Variants in MCTP1 observed in about 807,000 individuals in gnomAD.
MCTP1 encodes multiple C2 and transmembrane domain containing 1, also known as multiple C2 and transmembrane domain-containing protein 1.
A neutral mutation model predicts 120.6 loss-of-function variants in MCTP1; 69 were observed. The observed-to-expected ratio is 0.57, with a 90% CI of 0.47 to 0.70. MCTP1 has a LOEUF of 0.70. Among genes scored for constraint, MCTP1 ranks in the 30% least tolerant of loss-of-function variants. The probability of loss-of-function intolerance (pLI) is 0.00; values close to 1 mark genes in which losing one functional copy is unlikely to be tolerated. For synonymous variants in MCTP1, 529 were observed against 493.1 expected (o/e 1.07, Z -0.96); for missense variants, 1,203 against 1,248.8 (o/e 0.96, Z 0.55).
chr5:95,191,366 CT>C (rs1357399688), intron 1 of MCTP1, among the ~76,000 whole-genome samples: 2 of 151,910 alleles, frequency 1.3e-5, no homozygotes, highest in Admixed American at 1.3e-4. Context: ...CGAAGTGCCC[CT>C]AGGTTTCAAA....
chr5:94,970,186 G>C (rs1398548717), intron 2 of MCTP1, among the ~76,000 whole-genome samples: 1 of 151,874 alleles, frequency 6.6e-6, no homozygotes, highest in Non-Finnish European at 1.5e-5. Context: ...AGGCAGTTCA[G>C]GTAACCTTTA....
Position 95,276,329 on chromosome 5 carries a change from G to C in MCTP1, c.720+7527C>G, listed in dbSNP as rs543906821. ...GCTGGAATGCAGTGGCGCTATCTCA[G>C]CTCATTGCAACCTCTGCATCCTGGG... On this transcript the variant is annotated intron_variant, in intron 1 of 22. Transcript: ENST00000515393. 8.9e-4 allele frequency among the ~76,000 whole-genome samples: 116 copies of C among 130,382 alleles called. 1 individual carries two copies. The highest frequency in any genetic ancestry group is 3.1e-3 in the African/African-American group (107 of 34,720). The allele number at this position is 130,382 out of a possible 152,430, so 85.5% of individuals were successfully genotyped here. A position where few individuals can be genotyped will look rare whatever the true frequency, so the allele number is the denominator to read the frequency against.
rs903819293 is a variant in MCTP1, at chr5:95,284,498, C to A, written c.78G>T (p.Lys26Asn). Residue 26 changes from lysine (K) to asparagine (N), a missense_variant, in exon 1 of 23, where the codon AAG becomes AAT. Physicochemically the swap from Lys to Asn is moderately conservative, Grantham distance 94. Coordinates refer to ENST00000515393, the MANE Select transcript of MCTP1 (RefSeq NM_024717.7). The surrounding 1 kb of genome is among the most constrained non-coding windows in gnomAD (Gnocchi z 5.2). ...ASSSFQARLW[K>N]NLQLGVGRSK... is the part of the protein sequence containing the mutation. Reference sequence around the variant, plus strand: ...TCCTGCCCACCCCCAGCTGCAGGTTCTTCCAGAGCCGGGCCTGGAAGGAGG... The same window carrying A: ...TCCTGCCCACCCCCAGCTGCAGGTTATTCCAGAGCCGGGCCTGGAAGGAGG... 6.6e-7 allele frequency: 1 copy of A among 1,504,822 alleles called. No individual in the cohort carries two copies. Among genetic ancestry groups the A allele is most frequent in the East Asian group, 2.6e-5 (1 of 38,006 alleles). The allele number at this position is 1,504,822 out of a possible 1,614,324, so 93.2% of individuals were successfully genotyped here. A position where few individuals can be genotyped will look rare whatever the true frequency, so the allele number is the denominator to read the frequency against.
At chr5:95,136,796 G>A (rs1042785602) in intron 1 of MCTP1, among the ~76,000 whole-genome samples, 6 of 152,210 alleles carry the variant, frequency 3.9e-5, no homozygotes, top group African/African-American at 1.4e-4. Context: ...AGCACTAACA[G>A]AGGTCTAGAT....
chr5:95,234,417 G>A (rs73142023), intron 1 of MCTP1, among the ~76,000 whole-genome samples: 2 of 152,138 alleles, frequency 1.3e-5, no homozygotes, highest in South Asian at 4.1e-4. Flanking sequence ...AGGAGTAGAA[G>A]AGTCAAGATT....
rs150976227 is a variant in MCTP1 at position 94,853,876 on chromosome 5, A to G, written c.2436+14457T>C. Among the ~76,000 whole-genome samples, 118 of 152,020 alleles carry G rather than the reference A, an allele frequency of 7.8e-4. No individual in the cohort carries two copies. The East Asian group carries it at 0.02, about 26-fold the overall frequency. ...CCTTATTCCCGCCTCTGGATAACAG[A>G]TATGATCATCAGATTATCTAGCTGA... is the stretch of plus-strand genomic sequence containing the variant. On this transcript the variant is annotated intron_variant, in intron 17 of 22. Transcript: ENST00000515393.
At chr5:95,147,894 G>T (rs1760544653) in intron 1 of MCTP1, among the ~76,000 whole-genome samples, 1 of 152,124 alleles carries the variant, frequency 6.6e-6, no homozygotes, top group African/African-American at 2.4e-5. Flanking sequence ...GGTTCATCTG[G>T]TGGTAACAAC....
At chr5:94,722,896 C>T (rs1388065818) in intron 19 of MCTP1, among the ~76,000 whole-genome samples, 1 of 152,108 alleles carries the variant, frequency 6.6e-6, no homozygotes, top group Non-Finnish European at 1.5e-5. Context: ...GGTTTTGGTG[C>T]ACTACTTTCT....
chr5:95,054,884 T>C (rs1218181139), intron 1 of MCTP1, among the ~76,000 whole-genome samples: 5 of 152,152 alleles, frequency 3.3e-5, no homozygotes, highest in African/African-American at 1.2e-4. Flanking sequence ...CTCAGCTCAC[T>C]GCAACCTCCG....
At chr5:94,824,894 C>A (rs1015979539) in intron 17 of MCTP1, among the ~76,000 whole-genome samples, 1 of 152,234 alleles carries the variant, frequency 6.6e-6, no homozygotes, top group East Asian at 1.9e-4. Flanking sequence ...TTCCCTTTAT[C>A]ATTTTTTATT....
At chr5:94,856,310 AATC>A (rs1471655209) in intron 17 of MCTP1, among the ~76,000 whole-genome samples, 1 of 151,756 alleles carries the variant, frequency 6.6e-6, no homozygotes. Flanking sequence ...GTTACGATAT[AATC>A]ATCAATAGAC....
chr5:95,074,071 G>T (rs1752940485), intron 1 of MCTP1, among the ~76,000 whole-genome samples: 1 of 152,082 alleles, frequency 6.6e-6, no homozygotes, highest in African/African-American at 2.4e-5. Context: ...AGCAGAGATG[G>T]TGCCACTGCA....
chr5:94,812,943 T>G (rs1783750279), intron 17 of MCTP1, among the ~76,000 whole-genome samples: 1 of 152,074 alleles, frequency 6.6e-6, no homozygotes, highest in Admixed American at 6.6e-5. Context: ...TGTCTGTGTG[T>G]GTGCGTGCGT....
chr5:94,924,099 A>C (rs1192224684), intron 6 of MCTP1, 78 bp from the exon 7 acceptor site: 4 of 863,306 alleles, frequency 4.6e-6, no homozygotes, highest in Admixed American at 3.1e-5. Flanking sequence ...AACAAATAAA[A>C]TCAAAGCAAA....
intron 1 of MCTP1, 39 bp from the exon 2 acceptor site, chr5:95,017,523 T>C (rs1837349812): frequency 1.6e-6 from 2 of 1,251,638 alleles, no homozygotes; most frequent in Non-Finnish European, 2.2e-6. Flanking sequence ...AAATTTATTA[T>C]CTCTGTTCTA....
At chr5:95,250,097 G>T (rs1242826893) in intron 1 of MCTP1, among the ~76,000 whole-genome samples, 1 of 152,130 alleles carries the variant, frequency 6.6e-6, no homozygotes, top group Non-Finnish European at 1.5e-5. Flanking sequence ...CATGGCACAT[G>T]TTTACCTAAG....
chr5:94,740,406 A>T (rs1003186571), intron 19 of MCTP1, among the ~76,000 whole-genome samples: 14 of 152,030 alleles, frequency 9.2e-5, no homozygotes, highest in Admixed American at 2.0e-4. Context: ...TTAAATGCAA[A>T]TTTTTTTTAG....
chr5:95,185,908 T>C (rs1672586049), intron 1 of MCTP1, among the ~76,000 whole-genome samples: 1 of 152,044 alleles, frequency 6.6e-6, no homozygotes, highest in Admixed American at 6.6e-5. Context: ...AAGAATCGCT[T>C]GAACCCATGA....
At chr5:95,280,025 A>T (rs1399764563) in intron 1 of MCTP1, among the ~76,000 whole-genome samples, 2 of 152,226 alleles carry the variant, frequency 1.3e-5, no homozygotes, top group African/African-American at 4.8e-5. Flanking sequence ...GCCTTCTTTA[A>T]GATGGAGTTG....
Sources: gnomAD v4.1 joint callset for allele counts (sites outside exome capture counted in the v4.1 genomes callset) on GRCh38, gnomAD v4.1.1 for gene constraint, Gnocchi (gnomAD v3.1) non-coding constraint, MANE v1.5 for transcripts, NCBI Gene and HGNC (gene_info 2026-07-23, HGNC 2026-07-21) for gene names.